The following HMBOX1 variants were observed in gnomAD, a reference collection of about 807,000 sequenced individuals.
HMBOX1 encodes homeobox-containing protein 1.
In HMBOX1, 14 loss-of-function variants were observed where a neutral mutation model predicts 54.5. The ratio of observed to expected loss-of-function variants is 0.26; its 90% CI spans 0.17 to 0.40. The LOEUF (loss-of-function observed/expected upper bound fraction) is 0.40, where lower values mean the gene tolerates loss of function less well. HMBOX1 is among the 10% of genes least tolerant of loss of function. The probability of loss-of-function intolerance (pLI) is 1.00; values close to 1 mark genes in which losing one functional copy is unlikely to be tolerated. For synonymous variants in HMBOX1, 160 were observed against 181.0 expected (o/e 0.88, Z 0.93); for missense variants, 332 against 514.4 (o/e 0.65, Z 3.43).
At chr8:28,969,371 A>G (rs1827001745) in intron 2 of HMBOX1, among the ~76,000 whole-genome samples, 1 of 152,220 alleles carries the variant, frequency 6.6e-6, no homozygotes, top group South Asian at 2.1e-4. Flanking sequence ...CAACCATGAA[A>G]GATCTATTTC....
intron 1 of HMBOX1, among the ~76,000 whole-genome samples, chr8:28,935,237 C>G (rs1290239381): frequency 1.3e-5 from 2 of 152,096 alleles, no homozygotes; most frequent in Non-Finnish European, 2.9e-5. Flanking sequence ...AATCAAATCC[C>G]TGGGAGGCTT....
intron 4 of HMBOX1, among the ~76,000 whole-genome samples, chr8:28,992,971 AAC>A: frequency 6.6e-6 from 1 of 150,694 alleles, no homozygotes; most frequent in East Asian, 2.0e-4. Flanking sequence ...GACTAATGTT[AAC>A]AGTTTCTTCA....
At chr8:28,950,497 A>G (rs954122215) in intron 1 of HMBOX1, among the ~76,000 whole-genome samples, 1 of 152,236 alleles carries the variant, frequency 6.6e-6, no homozygotes, top group Non-Finnish European at 1.5e-5. Context: ...TTTCCATAGA[A>G]GGGAATGCTA....
At chr8:28,977,115 G>A (rs1022074167) in intron 3 of HMBOX1, among the ~76,000 whole-genome samples, 5 of 152,156 alleles carry the variant, frequency 3.3e-5, no homozygotes, top group Non-Finnish European at 5.9e-5. Flanking sequence ...GTTTTGTGCA[G>A]TCCTTAATAA....
intron 4 of HMBOX1, among the ~76,000 whole-genome samples, chr8:29,001,560 A>T (rs1832664213): frequency 4.1e-5 from 1 of 24,606 alleles, no homozygotes; most frequent in Non-Finnish European, 1.1e-4. Flanking sequence ...AAACAAAACA[A>T]AACAAAACAA....
chr8:28,911,882 G>T (rs981827961), intron 1 of HMBOX1, among the ~76,000 whole-genome samples: 3 of 152,112 alleles, frequency 2.0e-5, no homozygotes, highest in Non-Finnish European at 1.5e-5. Flanking sequence ...GATGGTCCCC[G>T]ACTTACCATG....
chr8:28,978,793 A>T (rs1316912260), intron 3 of HMBOX1, among the ~76,000 whole-genome samples: 1 of 151,602 alleles, frequency 6.6e-6, no homozygotes. Flanking sequence ...TCTCAAAAAA[A>T]AAAAAAAAAA....
chr8:28,925,506 G>A (rs967902318), intron 1 of HMBOX1, among the ~76,000 whole-genome samples: 1 of 152,026 alleles, frequency 6.6e-6, no homozygotes, highest in African/African-American at 2.4e-5. Context: ...GTGGTAATGG[G>A]GAAAATGTTT....
chr8:28,904,250 T>C (rs919384670), intron 1 of HMBOX1, among the ~76,000 whole-genome samples: 6 of 139,920 alleles, frequency 4.3e-5, no homozygotes, highest in African/African-American at 1.6e-4. Flanking sequence ...TCCAAATCTC[T>C]TTTTTTTTTT....
intron 1 of HMBOX1, among the ~76,000 whole-genome samples, chr8:28,960,679 G>C (rs1183683642): frequency 6.9e-6 from 1 of 144,910 alleles, no homozygotes; most frequent in Non-Finnish European, 1.5e-5. Context: ...CATGTTATTT[G>C]GTCTTTGTGT....
chr8:29,044,533 AAG>A (rs1805300835), intron 6 of HMBOX1, among the ~76,000 whole-genome samples: 1 of 152,104 alleles, frequency 6.6e-6, no homozygotes, highest in African/African-American at 2.4e-5. Flanking sequence ...ACAAATGAAA[AAG>A]AAAATGTTTA....
intron 4 of HMBOX1, among the ~76,000 whole-genome samples, chr8:28,994,167 C>A (rs1245266029): frequency 2.0e-3 from 242 of 123,900 alleles, no homozygotes; most frequent in Middle Eastern, 4.2e-3. Flanking sequence ...ACTCTCTCAC[C>A]AAAAAAAAAA....
chr8:28,985,583 A>G (rs963539440), intron 4 of HMBOX1, among the ~76,000 whole-genome samples: 2 of 152,196 alleles, frequency 1.3e-5, no homozygotes. Context: ...AAACATAAGA[A>G]TTTGTGTAAA....
At chr8:28,960,168 GTATTT>G (rs1300419509) in intron 1 of HMBOX1, among the ~76,000 whole-genome samples, 4 of 148,740 alleles carry the variant, frequency 2.7e-5, no homozygotes, top group African/African-American at 1.0e-4. Context: ...TTGGTGTACA[GTATTT>G]TATTTTTCTA....
intron 2 of HMBOX1, 123 bp from the exon 3 acceptor site, chr8:28,969,920 C>T (rs964227922): frequency 7.6e-6 from 5 of 660,714 alleles, no homozygotes; most frequent in African/African-American, 7.2e-5. Context: ...TAGCATGGGA[C>T]ATACCTTCAT....
intron 5 of HMBOX1, 33 bp downstream of exon 5, chr8:29,009,215 G>A: frequency 1.3e-6 from 2 of 1,497,816 alleles, no homozygotes; most frequent in Non-Finnish European, 1.9e-6. Context: ...TATTGCATCT[G>A]AAACAAGACA....
At chr8:28,945,941 A>G (rs1017115240) in intron 1 of HMBOX1, among the ~76,000 whole-genome samples, 7 of 143,134 alleles carry the variant, frequency 4.9e-5, no homozygotes, top group Non-Finnish European at 7.7e-5. Flanking sequence ...CATAGGGCAT[A>G]TTCTTTTTTT....
At chr8:29,004,827 A>T (rs1833187980) in intron 4 of HMBOX1, among the ~76,000 whole-genome samples, 1 of 152,186 alleles carries the variant, frequency 6.6e-6, no homozygotes. Context: ...AGCTGATAGT[A>T]TCGAGAGGCT....
intron 4 of HMBOX1, among the ~76,000 whole-genome samples, chr8:29,006,526 GT>G (rs562811143): frequency 7.6e-4 from 116 of 152,316 alleles, no homozygotes; most frequent in African/African-American, 2.5e-3. Context: ...TCCATCAGCA[GT>G]GTGAGAATCG....
Sources: gnomAD v4.1 joint callset for allele counts (sites outside exome capture counted in the v4.1 genomes callset) on GRCh38, gnomAD v4.1.1 for gene constraint, MANE v1.5 for transcripts, NCBI Gene and HGNC (gene_info 2026-07-23, HGNC 2026-07-21) for gene names.